The following PLCH1 variants were observed in gnomAD, a reference collection of about 807,000 sequenced individuals.
The protein encoded by PLCH1 is 1-phosphatidylinositol 4,5-bisphosphate phosphodiesterase eta-1.
PLCH1 carries 60 observed loss-of-function variants against 126.7 expected under a neutral mutation model. The ratio of observed to expected loss-of-function variants is 0.47; its 90% CI spans 0.38 to 0.59. The LOEUF (loss-of-function observed/expected upper bound fraction) is 0.59. PLCH1 is among the 20% of genes least tolerant of loss of function. The pLI is 0.00. For synonymous variants in PLCH1, 719 were observed against 734.9 expected, an observed-to-expected ratio of 0.98 and a Z score of 0.35; for missense variants, 1,723 against 2,040.0, an observed-to-expected ratio of 0.84 and a Z score of 2.99.
chr3:155,617,176 T>C (rs138632147), intron 2 of PLCH1, among the ~76,000 whole-genome samples: 4 of 152,190 alleles, frequency 2.6e-5, no homozygotes, highest in African/African-American at 9.6e-5. Context: ...TGTCTTTAAC[T>C]GTGACTGTCC....
chr3:155,623,457 A>T (rs1736790966), intron 2 of PLCH1, among the ~76,000 whole-genome samples: 1 of 152,164 alleles, frequency 6.6e-6, no homozygotes, highest in Non-Finnish European at 1.5e-5. Context: ...AAAAAAACCA[A>T]TGAATCCAGG....
intron 10 of PLCH1, among the ~76,000 whole-genome samples, chr3:155,525,346 G>A (rs894427579): frequency 3.3e-5 from 5 of 152,046 alleles, no homozygotes; most frequent in Non-Finnish European, 7.4e-5. Context: ...GGGCTCCAAC[G>A]AGCTCCCTTG....
intron 10 of PLCH1, among the ~76,000 whole-genome samples, chr3:155,542,934 G>C (rs186765200): frequency 0.044 from 6,766 of 152,116 alleles, 214 homozygotes; most frequent in Middle Eastern, 0.092. Context: ...CACAAAGATG[G>C]GGAAAAAACA....
intron 17 of PLCH1, among the ~76,000 whole-genome samples, chr3:155,493,560 A>G (rs1183266283): frequency 6.6e-6 from 1 of 151,904 alleles, no homozygotes; most frequent in African/African-American, 2.4e-5. Flanking sequence ...GCTAATTCTG[A>G]TTTTCAGTAG....
intron 12 of PLCH1, among the ~76,000 whole-genome samples, chr3:155,508,468 T>G (rs1187609194): frequency 2.0e-5 from 1 of 51,242 alleles, no homozygotes. Flanking sequence ...TTTTGCCCAT[T>G]CAGTATGATA....
At chr3:155,736,739 A>C (rs1199335274) in intron 1 of PLCH1, among the ~76,000 whole-genome samples, 1 of 152,220 alleles carries the variant, frequency 6.6e-6, no homozygotes, top group Non-Finnish European at 1.5e-5. Context: ...CTTATGAAGA[A>C]AGTAAGACAG....
chr3:155,656,318 A>G (rs890194077), intron 2 of PLCH1, among the ~76,000 whole-genome samples: 2 of 152,300 alleles, frequency 1.3e-5, no homozygotes, highest in Admixed American at 1.3e-4. Context: ...CTGCTAAATT[A>G]TTTTCATGAA....
intron 1 of PLCH1, among the ~76,000 whole-genome samples, chr3:155,706,235 C>T (rs1312732839): frequency 2.7e-5 from 4 of 150,766 alleles, no homozygotes; most frequent in African/African-American, 9.8e-5. Context: ...CGCCTGTAAT[C>T]CCAGCACTTT....
chr3:155,626,213 A>C (rs1456594456), intron 2 of PLCH1, among the ~76,000 whole-genome samples: 4 of 43,550 alleles, frequency 9.2e-5, no homozygotes, highest in Non-Finnish European at 1.4e-4. Flanking sequence ...GGGCATCACA[A>C]AAAAAAAAAA....
At chr3:155,540,492 T>A (rs149432086) in intron 10 of PLCH1, among the ~76,000 whole-genome samples, 4 of 152,124 alleles carry the variant, frequency 2.6e-5, no homozygotes, top group African/African-American at 9.7e-5. Flanking sequence ...AAACTATGTA[T>A]CTGACAAAGG....
intron 4 of PLCH1, among the ~76,000 whole-genome samples, chr3:155,587,074 A>G (rs1230473390): frequency 1.3e-5 from 2 of 152,164 alleles, no homozygotes; most frequent in Admixed American, 1.3e-4. Flanking sequence ...TTATGCTGCC[A>G]TGTTCATAAC....
chr3:155,492,429 T>TAGA (rs1258241535), intron 18 of PLCH1, among the ~76,000 whole-genome samples: 1 of 152,228 alleles, frequency 6.6e-6, no homozygotes, highest in Non-Finnish European at 1.5e-5. Context: ...GGTTAAGATA[T>TAGA]ACTCTTAGGT....
At chr3:155,682,391 A>T (rs1744606940) in intron 2 of PLCH1, among the ~76,000 whole-genome samples, 1 of 152,258 alleles carries the variant, frequency 6.6e-6, no homozygotes, top group Admixed American at 6.5e-5. Context: ...ACCCCAAGGA[A>T]CAAAATGGAA....
At chr3:155,498,444 CCAGGAATCA>C (rs1225361651) in intron 14 of PLCH1, among the ~76,000 whole-genome samples, 1 of 152,168 alleles carries the variant, frequency 6.6e-6, no homozygotes, top group Non-Finnish European at 1.5e-5. Flanking sequence ...CACTGCTCTG[CCAGGAATCA>C]CAGCCTCTTC....
intron 2 of PLCH1, among the ~76,000 whole-genome samples, chr3:155,601,260 A>G (rs1214528017): frequency 6.6e-6 from 1 of 152,170 alleles, no homozygotes; most frequent in Non-Finnish European, 1.5e-5. Flanking sequence ...TACAGGCGTG[A>G]GCCACCGCAC....
At chr3:155,696,236 G>T (rs1337333304) in intron 2 of PLCH1, among the ~76,000 whole-genome samples, 1 of 152,154 alleles carries the variant, frequency 6.6e-6, no homozygotes, top group Admixed American at 6.5e-5. Flanking sequence ...AAAGGAATGA[G>T]CCCTAAGAAA....
chr3:155,511,321 T>G (rs983166278), intron 12 of PLCH1, among the ~76,000 whole-genome samples: 8 of 133,996 alleles, frequency 6.0e-5, no homozygotes, highest in Non-Finnish European at 1.1e-4. Flanking sequence ...TAGCTCAGAG[T>G]AATTTGATCG....
chr3:155,488,077 G>T lies in PLCH1; in HGVS notation c.2570C>A (p.Thr857Lys), dbSNP rs1244547197. The T allele has an allele frequency of 1.9e-6, 3 of 1,608,796 alleles. No homozygotes were observed. Among genetic ancestry groups the T allele is most frequent in the Admixed American group, 3.3e-5 (2 of 60,032 alleles). Residue 857 changes from threonine to lysine, a missense_variant, in exon 21 of 23, where the codon ACA becomes AAA. Physicochemically the swap from Thr to Lys is moderately conservative, Grantham distance 78. Around this residue, in one of 2 missense-constraint regions of PLCH1, gnomAD observed 776 missense variants for 1,062.9 expected, o/e 0.73. Coordinates refer to ENST00000460012, the MANE Select transcript of PLCH1 (RefSeq NM_014996.4). The stretch of plus-strand genomic sequence containing the variant: ...TATGTGTACAAATATGGATGCTTCT[G>T]TCAGTCCTTCCAAATAGACATGCCG... ...GYRHVYLEGL[T>K]EASIFVHITI...
chr3:155,683,277 G>T (rs930547683), intron 2 of PLCH1, among the ~76,000 whole-genome samples: 1 of 152,128 alleles, frequency 6.6e-6, no homozygotes, highest in African/African-American at 2.4e-5. Flanking sequence ...TTTTTTGAAA[G>T]ACTTGATTGT....
Sources: gnomAD v4.1 joint callset for allele counts (sites outside exome capture counted in the v4.1 genomes callset) on GRCh38, gnomAD v4.1.1 for gene constraint, gnomAD v4.1.1 regional missense constraint, MANE v1.5 for transcripts, NCBI Gene and HGNC (gene_info 2026-07-23, HGNC 2026-07-21) for gene names.